The following DOCK1 variants were observed in gnomAD, a reference collection of about 807,000 sequenced individuals.
DOCK1 encodes the protein dedicator of cytokinesis protein 1.
Under a neutral mutation model 262.7 loss-of-function variants are expected in DOCK1, and 138 were observed. The ratio of observed to expected loss-of-function variants is 0.53; its 90% CI spans 0.46 to 0.61. DOCK1 has a LOEUF of 0.61. Among genes scored for constraint, DOCK1 ranks in the 20% least tolerant of loss-of-function variants. DOCK1 has a pLI of 0.00. For synonymous variants in DOCK1, 866 were observed against 867.4 expected (o/e 1.00, Z 0.03); for missense variants, 1,908 against 2,370.7 (o/e 0.80, Z 4.05).
intron 22 of DOCK1, among the ~76,000 whole-genome samples, chr10:127,060,244 C>T (rs6482980): frequency 1.3e-5 from 2 of 152,004 alleles, no homozygotes; most frequent in African/African-American, 2.4e-5. Flanking sequence ...AAAATGATTG[C>T]AGCTTGATGG....
intron 38 of DOCK1, among the ~76,000 whole-genome samples, chr10:127,387,858 CTT>C (rs5788840): frequency 3.1e-4 from 46 of 147,720 alleles, no homozygotes; most frequent in Admixed American, 6.7e-4. Flanking sequence ...AAAACAGAGT[CTT>C]TTTTTTTTTT....
intron 27 of DOCK1, among the ~76,000 whole-genome samples, chr10:127,207,360 T>C (rs2057772173): frequency 6.6e-6 from 1 of 152,110 alleles, no homozygotes; most frequent in African/African-American, 2.4e-5. Context: ...TACAAGGAAG[T>C]TGGGGGGTGA....
intron 23 of DOCK1, among the ~76,000 whole-genome samples, chr10:127,067,649 G>A (rs540746421): frequency 9.7e-4 from 148 of 152,000 alleles, no homozygotes; most frequent in African/African-American, 3.4e-3. Context: ...GTCTATTCTA[G>A]ACTAATGTAT....
chr10:127,267,221 C>T (rs2060393924), intron 29 of DOCK1, among the ~76,000 whole-genome samples: 2 of 152,128 alleles, frequency 1.3e-5, no homozygotes, highest in Admixed American at 1.3e-4. Context: ...GTATCAGAGC[C>T]CACTGCACCT....
At chr10:127,397,800 C>T (rs533874259) in intron 38 of DOCK1, among the ~76,000 whole-genome samples, 7 of 146,882 alleles carry the variant, frequency 4.8e-5, no homozygotes, top group South Asian at 2.1e-4. Flanking sequence ...CTGTATGACA[C>T]GGGCAGTGAC....
intron 27 of DOCK1, among the ~76,000 whole-genome samples, chr10:127,230,919 A>G (rs758254397): frequency 6.6e-6 from 1 of 152,212 alleles, no homozygotes; most frequent in East Asian, 1.9e-4. Flanking sequence ...TATTATAGCA[A>G]TGTTAATTCT....
Position 127,410,838 on chromosome 10 carries a change from A to C in DOCK1, c.4344-2A>C, listed in dbSNP as rs374342421. On this transcript the variant is annotated splice_acceptor_variant, in intron 42 of 51. Transcript: ENST00000623213. LOFTEE classifies it high-confidence loss of function. Reference sequence around the variant, plus strand: ...TCTAATGATCTGTCTGTCTCTGTACAGTTTTTACAGGGTGAACGAGGTCCA... The same window carrying C: ...TCTAATGATCTGTCTGTCTCTGTACCGTTTTTACAGGGTGAACGAGGTCCA... 1.9e-6 allele frequency: 3 copies of C among 1,613,562 alleles called. No homozygotes were observed. The African/African-American group carries it at 4.0e-5, about 22-fold the overall frequency.
rs1410981072 is a variant in DOCK1 at position 126,970,862 on chromosome 10, C to A, written c.130+77C>A. ...CCTTCTCAGTGCCTGCTGGGCAAAG[C>A]ATTCCTCTGTTACAGACACATAAGA... On this transcript the variant is annotated intron_variant, in intron 2 of 51. Coordinates refer to ENST00000623213, the MANE Select transcript of DOCK1 (RefSeq NM_001290223.2). 1.7e-5 allele frequency: 26 copies of A among 1,505,504 alleles called. No homozygotes were observed. The East Asian group carries it at 5.4e-4, about 31-fold the overall frequency. The allele number at this position is 1,505,504 out of a possible 1,614,324, so 93.3% of individuals were successfully genotyped here. A position where few individuals can be genotyped will look rare whatever the true frequency, so the allele number is the denominator to read the frequency against.
chr10:127,127,559 G>C (rs991075678), intron 26 of DOCK1, 110 bp from the exon 27 acceptor site: 24 of 770,040 alleles, frequency 3.1e-5, no homozygotes, highest in African/African-American at 3.1e-4. Flanking sequence ...TCTCATTAAG[G>C]GTTATAATTG....
chr10:127,239,436 T>G (rs1043824979), intron 27 of DOCK1, among the ~76,000 whole-genome samples: 5 of 152,188 alleles, frequency 3.3e-5, no homozygotes, highest in African/African-American at 7.2e-5. Flanking sequence ...CATTTAATAC[T>G]TAATATTTAA....
intron 4 of DOCK1, among the ~76,000 whole-genome samples, chr10:126,985,540 G>C (rs572299439): frequency 6.6e-6 from 1 of 152,272 alleles, no homozygotes; most frequent in African/African-American, 2.4e-5. Flanking sequence ...CATGCACTGA[G>C]GCCCTATTCA....
chr10:126,935,765 GC>G (rs1173605765), intron 1 of DOCK1, among the ~76,000 whole-genome samples: 1 of 152,182 alleles, frequency 6.6e-6, no homozygotes, highest in Non-Finnish European at 1.5e-5. Context: ...CCTTGGGATC[GC>G]CTGGTTCCTG....
chr10:127,000,509 T>G, intron 10 of DOCK1: 2 of 704,710 alleles, frequency 2.8e-6, no homozygotes, highest in Non-Finnish European at 4.4e-6. Flanking sequence ...TCCTCAAGTT[T>G]CAGATATAAA....
chr10:127,216,428 A>G (rs757250783), intron 27 of DOCK1, among the ~76,000 whole-genome samples: 14 of 152,090 alleles, frequency 9.2e-5, no homozygotes, highest in Non-Finnish European at 1.9e-4. Flanking sequence ...ATTGCCAGCT[A>G]TTGCTGGGAA....
At chr10:126,964,685 A>G (rs2037526725) in intron 1 of DOCK1, among the ~76,000 whole-genome samples, 1 of 152,228 alleles carries the variant, frequency 6.6e-6, no homozygotes, top group Non-Finnish European at 1.5e-5. Flanking sequence ...ACAGAGAGTG[A>G]CTGAGCCGAG....
At chr10:127,337,993 C>T (rs960458476) in intron 29 of DOCK1, among the ~76,000 whole-genome samples, 2 of 152,144 alleles carry the variant, frequency 1.3e-5, no homozygotes, top group Non-Finnish European at 2.9e-5. Context: ...TGCCTTTTAG[C>T]GGCTGTGACA....
At chr10:127,184,066 T>C (rs2055988879) in intron 27 of DOCK1, among the ~76,000 whole-genome samples, 1 of 152,100 alleles carries the variant, frequency 6.6e-6, no homozygotes, top group Non-Finnish European at 1.5e-5. Flanking sequence ...GACTCAGTGG[T>C]CTTTCTTGGG....
intron 1 of DOCK1, among the ~76,000 whole-genome samples, chr10:126,948,403 A>G (rs1269306491): frequency 1.3e-5 from 1 of 77,348 alleles, no homozygotes; most frequent in East Asian, 2.9e-4. Context: ...GGTTGGTAGT[A>G]TTACTGTTGG....
intron 1 of DOCK1, among the ~76,000 whole-genome samples, chr10:126,923,486 T>A (rs1181156715): frequency 1.3e-5 from 2 of 151,814 alleles, no homozygotes; most frequent in Non-Finnish European, 2.9e-5. Context: ...TAGCCGGGTG[T>A]GGTGGCAGGT....
Sources: allele counts gnomAD v4.1 joint callset (sites outside exome capture counted in the v4.1 genomes callset), GRCh38; gene constraint gnomAD v4.1.1; transcripts MANE v1.5; gene names NCBI Gene and HGNC (gene_info 2026-07-23, HGNC 2026-07-21).